Variants in MGARP observed in about 807,000 individuals in gnomAD.
MGARP encodes mitochondria localized glutamic acid rich protein, also known as protein MGARP.
Under a neutral mutation model 11.0 loss-of-function variants are expected in MGARP, and 12 were observed. The observed-to-expected ratio is 1.09, with a 90% confidence interval of 0.70 to 1.77. The LOEUF is 1.77. MGARP is among the 40% of genes most tolerant of loss of function. The pLI is 0.00. For missense variants in MGARP, 283 were observed against 297.8 expected (o/e 0.95, Z 0.36); for synonymous variants, 110 against 115.4 (o/e 0.95, Z 0.30).
At chr4:139,272,858 G>C (rs1013054934) in intron 2 of MGARP, among the ~76,000 whole-genome samples, 1 of 151,298 alleles carries the variant, frequency 6.6e-6, no homozygotes, top group Non-Finnish European at 1.5e-5. Context: ...GCTAATTTTT[G>C]TATTTTTAGT....
At chr4:139,278,819 T>C (rs975970996) in intron 1 of MGARP, among the ~76,000 whole-genome samples, 2 of 152,148 alleles carry the variant, frequency 1.3e-5, no homozygotes, top group Non-Finnish European at 1.5e-5. Context: ...ATAAAGGCAA[T>C]AAAGATCTAG....
rs151157861 is a variant in MGARP, at chr4:139,270,551, G to A, written c.187-1786C>T. Among the ~76,000 whole-genome samples, 831 of 147,140 alleles carry A rather than the reference G, an allele frequency of 5.6e-3. 4 individuals carry two copies. The highest frequency in any genetic ancestry group is 0.02 in the African/African-American group (781 of 39,678). ...GTGAACCCAGGAGGTGGAGCTTGCA[G>A]TGAGCAGAGATCGTACCACTGCACT... On this transcript the variant is annotated intron_variant, in intron 2 of 3. Transcript: ENST00000398955.
At chr4:139,278,764 A>G (rs911208707) in intron 1 of MGARP, among the ~76,000 whole-genome samples, 2 of 152,196 alleles carry the variant, frequency 1.3e-5, no homozygotes, top group Non-Finnish European at 2.9e-5. Flanking sequence ...CAGTGTATAT[A>G]TATATTTAAA....
rs1480778560 is a variant in MGARP at position 139,266,236 on chromosome 4, C to T, written c.*363G>A. 1.1e-5 allele frequency: 2 copies of T among 178,338 alleles called. No homozygotes were observed. Among genetic ancestry groups the T allele is most frequent in the South Asian group, 1.4e-4 (1 of 7,244 alleles). 11.0% of individuals were successfully genotyped at this position (178,338 alleles called of 1,614,324 possible). ...ATCATACAATAAAGTAAGCTGAAAG[C>T]ATAGTGAAATTAAAGTAAATACAGG... On this transcript the variant is annotated 3_prime_UTR_variant, in exon 4 of 4. Coordinates refer to ENST00000398955, the MANE Select transcript of MGARP (RefSeq NM_032623.4).
Position 139,267,050 on chromosome 4 carries a change from A to G in MGARP, c.281-9T>C, listed in dbSNP as rs368243981. The G allele has an allele frequency of 3.7e-6, 6 of 1,608,782 alleles. No homozygotes were observed. Among genetic ancestry groups the G allele is most frequent in the Middle Eastern group, 1.7e-4 (1 of 6,050 alleles). Reference sequence around the variant, plus strand: ...AACATTCTCCTTTTCACCTTTAAGAATTAGTCATTAAGCAAGGTATTAATT... The same window carrying G: ...AACATTCTCCTTTTCACCTTTAAGAGTTAGTCATTAAGCAAGGTATTAATT... On this transcript the variant is annotated splice_polypyrimidine_tract_variant and intron_variant, in intron 3 of 3. Coordinates refer to ENST00000398955, the MANE Select transcript of MGARP (RefSeq NM_032623.4).
rs749907438 is a variant in MGARP at position 139,266,655 on chromosome 4, C to T, written c.667G>A (p.Asp223Asn). The change falls in exon 4 of 4, where the codon GAT becomes AAT. Residue 223 changes from aspartate (D) to asparagine (N), a missense_variant. Asp to Asn is a conservative substitution (Grantham distance 23, BLOSUM62 1). Transcript: ENST00000398955. Reference sequence around the variant, plus strand: ...ACACTGGCTTCCTCCTGTAAATCATCTCCAGCAGAGGACTCTGACTCAGCT... The same window carrying T: ...ACACTGGCTTCCTCCTGTAAATCATTTCCAGCAGAGGACTCTGACTCAGCT... ...SPAESESSAG[D>N]DLQEEASVGS... 1.2e-6 allele frequency: 2 copies of T among 1,614,128 alleles called. No individual in the cohort carries two copies. Among genetic ancestry groups the T allele is most frequent in the Admixed American group, 3.3e-5 (2 of 60,012 alleles).
chr4:139,272,999 G>A lies in MGARP; in HGVS notation c.186+2290C>T, dbSNP rs183733058. The stretch of plus-strand genomic sequence containing the variant: ...CCGGCCCGGCTTTATTCATATTTCC[G>A]TAGGTCCAAACCAAAATATAGTGAC... On this transcript the variant is annotated intron_variant, in intron 2 of 3. Coordinates refer to ENST00000398955, the MANE Select transcript of MGARP (RefSeq NM_032623.4). Among the ~76,000 whole-genome samples, 74 of 151,822 alleles carry A rather than the reference G, an allele frequency of 4.9e-4. 2 individuals carry two copies. Among genetic ancestry groups the A allele is most frequent in the African/African-American group, 2.4e-4 (10 of 41,408 alleles).
chr4:139,268,603 T>C, intron 3 of MGARP, 69 bp downstream of exon 3: 2 of 1,090,668 alleles, frequency 1.8e-6, no homozygotes, highest in Non-Finnish European at 2.6e-6. Flanking sequence ...TGTTCATTGC[T>C]AGACTAAGTG....
intron 3 of MGARP, among the ~76,000 whole-genome samples, chr4:139,267,247 G>C (rs772861962): frequency 8.5e-5 from 13 of 152,118 alleles, no homozygotes; most frequent in Non-Finnish European, 1.0e-4. Flanking sequence ...TGGAGCAGGA[G>C]GGGGGTAAGT....
chr4:139,267,472 A>C (rs955032119), intron 3 of MGARP, among the ~76,000 whole-genome samples: 7 of 152,226 alleles, frequency 4.6e-5, no homozygotes, highest in Non-Finnish European at 8.8e-5. Context: ...GACAGCATGG[A>C]AGAGTAGCCA....
intron 2 of MGARP, among the ~76,000 whole-genome samples, chr4:139,273,117 G>A (rs1201903555): frequency 6.6e-6 from 1 of 152,042 alleles, no homozygotes; most frequent in Non-Finnish European, 1.5e-5. Flanking sequence ...TGTTGGCCAG[G>A]CAGGTCTCAA....
chr4:139,276,122 G>A (rs530830022), intron 1 of MGARP, among the ~76,000 whole-genome samples: 183 of 152,046 alleles, frequency 1.2e-3, no homozygotes, highest in African/African-American at 4.0e-3. Context: ...ACTTAAAGTC[G>A]GAAGGAGCTT....
At chr4:139,269,156 A>C (rs1156816237) in intron 2 of MGARP, among the ~76,000 whole-genome samples, 1 of 152,224 alleles carries the variant, frequency 6.6e-6, no homozygotes, top group Non-Finnish European at 1.5e-5. Flanking sequence ...AAATAGATGC[A>C]CTATCTTAGC....
At position 139,266,860 on chromosome 4, in the gene MGARP, A is replaced by G. The variant is rs569651861; in HGVS notation, c.462T>C (p.Ala154=). ...CATCTGTGACCTCTGGCCCGGTTTC[A>G]GCACTGACTGCTGTGGTCTCCGGAG... ...EAAPETTAVS[A]ETGPEVTDAA... is the part of the protein sequence containing the mutation. Residue 154 remains alanine (A), a synonymous_variant, in exon 4 of 4, where the codon GCT becomes GCC. Coordinates refer to ENST00000398955, the MANE Select transcript of MGARP (RefSeq NM_032623.4). 5.0e-6 allele frequency: 8 copies of G among 1,614,136 alleles called. No homozygotes were observed. The highest frequency in any genetic ancestry group is 2.7e-5 in the African/African-American group (2 of 75,016).
chr4:139,270,540 T>C (rs1348822932), intron 2 of MGARP, among the ~76,000 whole-genome samples: 4 of 130,146 alleles, frequency 3.1e-5, no homozygotes, highest in African/African-American at 1.2e-4. Context: ...ACCCAGGAGG[T>C]GGAGCTTGCA....
chr4:139,274,591 C>G (rs1209720913), intron 2 of MGARP, among the ~76,000 whole-genome samples: 1 of 152,032 alleles, frequency 6.6e-6, no homozygotes, highest in Non-Finnish European at 1.5e-5. Flanking sequence ...TCAAGAGATT[C>G]TCTTGCTTCA....
At chr4:139,272,851 A>C (rs1448037711) in intron 2 of MGARP, among the ~76,000 whole-genome samples, 1 of 151,276 alleles carries the variant, frequency 6.6e-6, no homozygotes, top group Non-Finnish European at 1.5e-5. Flanking sequence ...ACGCCCGGCT[A>C]ATTTTTGTAT....
In MGARP at chr4:139,280,103, G is replaced by C. The variant is rs377664191; in HGVS notation, c.56C>G (p.Pro19Arg). The C allele has an allele frequency of 6.8e-6, 11 of 1,612,006 alleles. No individual in the cohort carries two copies. The highest frequency in any genetic ancestry group is 4.0e-5 in the African/African-American group (3 of 74,862). ...KTLALPLRAP[P>R]NPAPLGKDAS... ...GTCCTTTCCGAGCGGCGCGGGGTTGGGGGGCGCCCTCAGCGGCAGCGCCAG... is the reference window on the plus strand; with the variant it reads ...GTCCTTTCCGAGCGGCGCGGGGTTGCGGGGCGCCCTCAGCGGCAGCGCCAG... The change falls in exon 1 of 4, where the codon CCC becomes CGC. Residue 19 changes from proline (P) to arginine (R), a missense_variant. Physicochemically the swap from Pro to Arg is moderately radical, Grantham distance 103. Coordinates refer to ENST00000398955, the MANE Select transcript of MGARP (RefSeq NM_032623.4).
At chr4:139,267,522 C>T (rs1301137789) in intron 3 of MGARP, among the ~76,000 whole-genome samples, 1 of 152,176 alleles carries the variant, frequency 6.6e-6, no homozygotes, top group Admixed American at 6.5e-5. Flanking sequence ...AATCCTCTCT[C>T]AATCTCATTT....
Sources: gnomAD v4.1 joint callset for allele counts (sites outside exome capture counted in the v4.1 genomes callset) on GRCh38, gnomAD v4.1.1 for gene constraint, MANE v1.5 for transcripts, NCBI Gene and HGNC (gene_info 2026-07-23, HGNC 2026-07-21) for gene names.